Variants in RAB8B observed in about 807,000 individuals in gnomAD.
The protein encoded by RAB8B is RAB8B, member RAS oncogene family.
Under a neutral mutation model 32.0 loss-of-function variants are expected in RAB8B, and 11 were observed. That is an observed-to-expected ratio of 0.34 (90% confidence interval 0.22 to 0.57). The LOEUF (loss-of-function observed/expected upper bound fraction) is 0.57. Among genes scored for constraint, RAB8B ranks in the 20% least tolerant of loss-of-function variants. The pLI, the probability that RAB8B is intolerant of heterozygous loss-of-function variation, is 0.86. For missense variants in RAB8B, 190 were observed against 258.5 expected, an observed-to-expected ratio of 0.73 and a Z score of 1.82; for synonymous variants, 103 against 89.6, an observed-to-expected ratio of 1.15 and a Z score of -0.85.
chr15:63,264,339 TG>T lies in RAB8B; in HGVS notation c.*724del, dbSNP rs2038228910. The stretch of plus-strand genomic sequence containing the variant: ...AAATCACCATAATCTCATTTTTCCC[TG>T]GGGTTTGTATTTGCTATTCTTTCCC... On this transcript the variant is annotated 3_prime_UTR_variant, in exon 8 of 8. Transcript: ENST00000321437. The T allele has an allele frequency of 1.3e-5, 2 of 152,344 alleles. No individual in the cohort carries two copies. The highest frequency in any genetic ancestry group is 2.1e-4 in the South Asian group (1 of 4,830). The allele number at this position is 152,344 out of a possible 1,614,324, so 9.4% of individuals were successfully genotyped here.
chr15:63,233,644 G>A (rs2037954014), intron 1 of RAB8B, among the ~76,000 whole-genome samples: 1 of 152,132 alleles, frequency 6.6e-6, no homozygotes, highest in African/African-American at 2.4e-5. Flanking sequence ...AAATCTTAAG[G>A]AGGTGAATGT....
intron 1 of RAB8B, among the ~76,000 whole-genome samples, chr15:63,202,397 A>T (rs1323036405): frequency 6.6e-6 from 1 of 152,244 alleles, no homozygotes; most frequent in Non-Finnish European, 1.5e-5. Context: ...GCTAATGCAA[A>T]CATGCATCAA....
chr15:63,196,101 A>G (rs2037597727), intron 1 of RAB8B, among the ~76,000 whole-genome samples: 1 of 152,158 alleles, frequency 6.6e-6, no homozygotes, highest in Non-Finnish European at 1.5e-5. Flanking sequence ...AAATCATCAC[A>G]TATTTCAAGA....
intron 5 of RAB8B, among the ~76,000 whole-genome samples, chr15:63,257,300 C>T (rs1398634800): frequency 1.3e-5 from 2 of 149,986 alleles, no homozygotes; most frequent in Non-Finnish European, 3.0e-5. Context: ...TGCTCTGTCT[C>T]CCAGGCTGGA....
intron 1 of RAB8B, among the ~76,000 whole-genome samples, chr15:63,237,554 T>A (rs1460848200): frequency 6.6e-6 from 1 of 152,246 alleles, no homozygotes; most frequent in Non-Finnish European, 1.5e-5. Flanking sequence ...TCTGCTTAGG[T>A]CTTCTGCTCA....
intron 1 of RAB8B, among the ~76,000 whole-genome samples, chr15:63,205,239 G>T (rs550642989): frequency 5.5e-4 from 84 of 152,344 alleles, no homozygotes; most frequent in Non-Finnish European, 8.7e-4. Context: ...GATGGAAGTT[G>T]CAGTGAGCCG....
Position 63,262,108 on chromosome 15 carries a change from A to G in RAB8B, c.481-584A>G, listed in dbSNP as rs116595761. On this transcript the variant is annotated intron_variant, in intron 6 of 7. Transcript: ENST00000321437. ...AAATAAAAAGTAGAGATTTTTGTGA[A>G]GACATTTTAGAGCTATAGGGTAATA... 2.7e-3 allele frequency among the ~76,000 whole-genome samples: 410 copies of G among 152,300 alleles called. 3 individuals are homozygous for G. Among genetic ancestry groups the G allele is most frequent in the African/African-American group, 8.2e-3 (339 of 41,564 alleles).
intron 1 of RAB8B, among the ~76,000 whole-genome samples, chr15:63,225,051 C>T (rs1405481681): frequency 6.6e-6 from 1 of 152,168 alleles, no homozygotes; most frequent in Admixed American, 6.5e-5. Flanking sequence ...TCCTATAGTT[C>T]TACCTGGCAC....
intron 2 of RAB8B, among the ~76,000 whole-genome samples, chr15:63,246,513 A>G (rs565715667): frequency 3.3e-5 from 5 of 152,312 alleles, no homozygotes; most frequent in Non-Finnish European, 4.4e-5. Context: ...ATGAACAGCC[A>G]GATGGAAGAG....
intron 5 of RAB8B, among the ~76,000 whole-genome samples, chr15:63,256,868 A>G (rs891816542): frequency 6.6e-6 from 1 of 152,232 alleles, no homozygotes; most frequent in Non-Finnish European, 1.5e-5. Flanking sequence ...CCTGCAGCTT[A>G]GAGTTCAGGC....
intron 1 of RAB8B, chr15:63,223,822 T>C: frequency 2.4e-6 from 1 of 411,376 alleles, no homozygotes; most frequent in South Asian, 1.7e-5. Flanking sequence ...GTTTTTCTTT[T>C]GTCTTTATAT....
Position 63,259,308 on chromosome 15 carries a change from G to A in RAB8B, c.415-319G>A, listed in dbSNP as rs1356990799. On this transcript the variant is annotated intron_variant, in intron 5 of 7. Coordinates refer to ENST00000321437, the MANE Select transcript of RAB8B (RefSeq NM_016530.3). This position sits in a 1 kb window ranked among gnomAD's most constrained non-coding sequence, Gnocchi z 4.4. ...CTAATTTTTTGTATTTTTAGTAGAG[G>A]CGGGGTTTCATCATGTTAGCAAGGA... Among the ~76,000 whole-genome samples the A allele has an allele frequency of 1.3e-5, 2 of 151,644 alleles. No individual in the cohort carries two copies. Among genetic ancestry groups the A allele is most frequent in the East Asian group, 1.9e-4 (1 of 5,158 alleles).
chr15:63,196,549 A>C (rs2037601707), intron 1 of RAB8B, among the ~76,000 whole-genome samples: 2 of 152,224 alleles, frequency 1.3e-5, no homozygotes, highest in Non-Finnish European at 2.9e-5. Flanking sequence ...CCTTAAGGCA[A>C]AAATCAAGTC....
In RAB8B at chr15:63,192,774, A is replaced by T. The variant is rs1335615496; in HGVS notation, c.124+3026A>T. ...GATTCCAGATACAGTTGTCTCAGAG[A>T]TACTTTCTTCTTCTCACTTCTCTAA... On this transcript the variant is annotated intron_variant, in intron 1 of 7. Transcript: ENST00000321437. 3.9e-5 allele frequency among the ~76,000 whole-genome samples: 6 copies of T among 152,276 alleles called. No homozygotes were observed. In the South Asian group the frequency reaches 1.2e-3, roughly 32 times the overall value.
chr15:63,241,975 G>C lies in RAB8B; in HGVS notation c.125-2781G>C, dbSNP rs376452376. Among the ~76,000 whole-genome samples the C allele has an allele frequency of 1.1e-3, 173 of 151,844 alleles. 2 individuals carry two copies. In the South Asian group the frequency reaches 0.033, roughly 29 times the overall value. ...TTACAGACCCTGAAATGCTGAGGGA[G>C]GTGCCTTAGAGGAGAAAATATGAGC... On this transcript the variant is annotated intron_variant, in intron 1 of 7. Transcript: ENST00000321437.
At chr15:63,230,776 G>T (rs148599070) in intron 1 of RAB8B, among the ~76,000 whole-genome samples, 2 of 152,130 alleles carry the variant, frequency 1.3e-5, no homozygotes, top group Non-Finnish European at 2.9e-5. Flanking sequence ...GCTCACTGTA[G>T]CCTTGAACTC....
intron 1 of RAB8B, among the ~76,000 whole-genome samples, chr15:63,226,889 T>A (rs2899691): frequency 0.38 from 57,922 of 151,930 alleles, 12,457 homozygotes; most frequent in Non-Finnish European, 0.5. Context: ...GGTTTTTTTT[T>A]AAATGATATT....
chr15:63,207,555 T>C (rs1353312824), intron 1 of RAB8B, among the ~76,000 whole-genome samples: 2 of 152,034 alleles, frequency 1.3e-5, no homozygotes, highest in African/African-American at 4.8e-5. Context: ...TTTCCTTAGT[T>C]TTTTGTTTTT....
Position 63,200,648 on chromosome 15 carries a change from CAA to C in RAB8B, c.124+10913_124+10914del, listed in dbSNP as rs1165302478. Among the ~76,000 whole-genome samples the C allele has an allele frequency of 1.5e-4, 11 of 75,634 alleles. 1 individual carries two copies. The highest frequency in any genetic ancestry group is 6.0e-4 in the East Asian group (2 of 3,306). The allele number at this position is 75,634 out of a possible 152,430, so 49.6% of individuals were successfully genotyped here. On this transcript the variant is annotated intron_variant, in intron 1 of 7. Coordinates refer to ENST00000321437, the MANE Select transcript of RAB8B (RefSeq NM_016530.3). ...CACAAAAAGAAAAAGCATGACAAGA[CAA>C]AAAAAAAAAAAACCTCATGGTGAGA...
Sources: allele counts gnomAD v4.1 joint callset (sites outside exome capture counted in the v4.1 genomes callset), GRCh38; gene constraint gnomAD v4.1.1; non-coding constraint Gnocchi (gnomAD v3.1); transcripts MANE v1.5; gene names NCBI Gene and HGNC (gene_info 2026-07-23, HGNC 2026-07-21).